Variants in STK32B observed in about 807,000 individuals in gnomAD.
The protein encoded by STK32B is serine/threonine kinase 32B, also known as serine/threonine-protein kinase 32B.
In STK32B, 43 loss-of-function variants were observed where a neutral mutation model predicts 52.6. The ratio of observed to expected loss-of-function variants is 0.82; its 90% CI spans 0.64 to 1.05. STK32B has a LOEUF of 1.05. Among genes scored for constraint, STK32B ranks in the 50% least tolerant of loss-of-function variants. The pLI, the probability that STK32B is intolerant of heterozygous loss-of-function variation, is 0.00. For missense variants in STK32B, 621 were observed against 534.6 expected (o/e 1.16, Z -1.59); for synonymous variants, 238 against 204.3 (o/e 1.17, Z -1.41).
intron 3 of STK32B, among the ~76,000 whole-genome samples, chr4:5,299,849 T>G (rs572541271): frequency 1.1e-4 from 16 of 152,302 alleles, no homozygotes; most frequent in Admixed American, 3.3e-4. Context: ...AACAGCCAAA[T>G]TCTACCAGAT....
At chr4:5,370,057 G>A (rs906468534) in intron 4 of STK32B, among the ~76,000 whole-genome samples, 1 of 151,916 alleles carries the variant, frequency 6.6e-6, no homozygotes, top group African/African-American at 2.4e-5. Context: ...TGTATTTTTA[G>A]TAGAGACGGG....
upstream of STK32B, among the ~76,000 whole-genome samples, chr4:5,049,130 A>C (rs13114467): frequency 4.9e-4 from 75 of 152,318 alleles, no homozygotes; most frequent in African/African-American, 1.8e-3. Flanking sequence ...TTCTTCTTCC[A>C]ACCCGGTTGA....
upstream of STK32B, among the ~76,000 whole-genome samples, chr4:5,050,880 TG>T (rs1417821220): frequency 6.6e-6 from 1 of 152,138 alleles, no homozygotes; most frequent in Non-Finnish European, 1.5e-5. Context: ...CGCCCAATTT[TG>T]GGGGAATCCC....
intron 3 of STK32B, among the ~76,000 whole-genome samples, chr4:5,213,460 C>T (rs1723016294): frequency 1.3e-5 from 2 of 152,180 alleles, no homozygotes; most frequent in African/African-American, 4.8e-5. Context: ...AACTAAAACC[C>T]CACTTCCTTT....
chr4:5,181,551 G>A (rs905445768), intron 3 of STK32B, among the ~76,000 whole-genome samples: 4 of 152,190 alleles, frequency 2.6e-5, no homozygotes, highest in East Asian at 1.9e-4. Flanking sequence ...ACAGGCATAC[G>A]TCGGAAATAT....
intron 1 of STK32B, among the ~76,000 whole-genome samples, chr4:5,095,747 T>G (rs747915128): frequency 6.6e-6 from 1 of 152,256 alleles, no homozygotes; most frequent in African/African-American, 2.4e-5. Flanking sequence ...ACCACCGTCA[T>G]GACTGACCCT....
chr4:5,411,533 A>G (rs1711677208), intron 5 of STK32B, among the ~76,000 whole-genome samples: 1 of 152,248 alleles, frequency 6.6e-6, no homozygotes, highest in Non-Finnish European at 1.5e-5. Flanking sequence ...AGGCATTATA[A>G]TTAATCTAGA....
intron 2 of STK32B, among the ~76,000 whole-genome samples, chr4:5,146,564 G>A (rs1356460407): frequency 6.6e-6 from 1 of 152,140 alleles, no homozygotes; most frequent in Non-Finnish European, 1.5e-5. Context: ...CTGAGGATGG[G>A]TCTTCTCTCC....
intron 1 of STK32B, among the ~76,000 whole-genome samples, chr4:5,072,453 A>G (rs566600805): frequency 4.6e-5 from 7 of 152,078 alleles, no homozygotes; most frequent in African/African-American, 7.2e-5. Flanking sequence ...TTCTTTGCAC[A>G]TTGCAGAAAC....
intron 3 of STK32B, among the ~76,000 whole-genome samples, chr4:5,227,741 T>C (rs1723974533): frequency 1.3e-5 from 2 of 152,370 alleles, no homozygotes; most frequent in African/African-American, 2.4e-5. Flanking sequence ...ATGTACTTTC[T>C]ATTTTGTCAG....
Position 5,486,500 on chromosome 4 carries a change from G to T in STK32B, c.1107-12445G>T, listed in dbSNP as rs146747820. 4.7e-3 allele frequency among the ~76,000 whole-genome samples: 710 copies of T among 152,348 alleles called. 6 individuals carry two copies. The highest frequency in any genetic ancestry group is 0.017 in the African/African-American group (688 of 41,574). On this transcript the variant is annotated intron_variant, in intron 11 of 11. Coordinates refer to ENST00000282908, the MANE Select transcript of STK32B (RefSeq NM_018401.3). ...CATCTGTCACCCCTTTCTTTGACTA[G>T]GAAAGGGAATTCCCTGACTTCTTGC...
chr4:5,122,081 C>A (rs908644583), intron 1 of STK32B, among the ~76,000 whole-genome samples: 4 of 152,122 alleles, frequency 2.6e-5, no homozygotes, highest in African/African-American at 7.2e-5. Flanking sequence ...CATACTCATT[C>A]TCTCACTCAT....
intron 6 of STK32B, among the ~76,000 whole-genome samples, chr4:5,426,598 T>C (rs1480272734): frequency 6.8e-6 from 1 of 146,144 alleles, no homozygotes; most frequent in Admixed American, 7.2e-5. Flanking sequence ...TCCCACTTAC[T>C]CAGGAGTCTG....
intron 6 of STK32B, among the ~76,000 whole-genome samples, chr4:5,429,569 T>C (rs1422504930): frequency 3.3e-5 from 5 of 151,172 alleles, no homozygotes; most frequent in African/African-American, 1.2e-4. Flanking sequence ...ATATATGTCA[T>C]TGAATTTATT....
chr4:5,376,413 C>A (rs1735589871), intron 4 of STK32B, among the ~76,000 whole-genome samples: 1 of 151,942 alleles, frequency 6.6e-6, no homozygotes, highest in African/African-American at 2.4e-5. Context: ...TTCTCTCTCT[C>A]TCTCCCCTGC....
intron 2 of STK32B, among the ~76,000 whole-genome samples, chr4:5,154,289 C>T (rs1298732547): frequency 6.7e-6 from 1 of 149,046 alleles, no homozygotes; most frequent in Non-Finnish European, 1.5e-5. Context: ...GATCTTGGCT[C>T]ACTGCCACCT....
intron 3 of STK32B, among the ~76,000 whole-genome samples, chr4:5,262,079 C>T (rs1447686473): frequency 2.0e-5 from 3 of 152,146 alleles, no homozygotes; most frequent in Non-Finnish European, 4.4e-5. Flanking sequence ...TCCCTCCTTC[C>T]CCTCATCTTT....
chr4:5,497,175 T>C (rs1053608043), intron 11 of STK32B, among the ~76,000 whole-genome samples: 4 of 152,222 alleles, frequency 2.6e-5, no homozygotes, highest in African/African-American at 9.6e-5. Flanking sequence ...CCCTGCAGTA[T>C]TTGAACATGT....
At chr4:5,389,300 G>C (rs1441278012) in intron 4 of STK32B, among the ~76,000 whole-genome samples, 1 of 152,150 alleles carries the variant, frequency 6.6e-6, no homozygotes, top group African/African-American at 2.4e-5. Context: ...GTGTTTGTCT[G>C]CTAAAGCTGC....
Sources: gnomAD v4.1 joint callset for allele counts (sites outside exome capture counted in the v4.1 genomes callset) on GRCh38, gnomAD v4.1.1 for gene constraint, MANE v1.5 for transcripts, NCBI Gene and HGNC (gene_info 2026-07-23, HGNC 2026-07-21) for gene names.